The following SLC35E1 variants were observed in gnomAD, a reference collection of about 807,000 sequenced individuals.
SLC35E1 encodes the protein solute carrier family 35, member E1.
SLC35E1 carries 12 observed loss-of-function variants against 31.0 expected under a neutral mutation model. The ratio of observed to expected loss-of-function variants is 0.39; its 90% CI spans 0.25 to 0.63. The LOEUF (loss-of-function observed/expected upper bound fraction) is 0.63, where lower values mean the gene tolerates loss of function less well. Among genes scored for constraint, SLC35E1 ranks in the 20% least tolerant of loss-of-function variants. The pLI is 0.52. For synonymous variants in SLC35E1, 257 were observed against 264.1 expected, an observed-to-expected ratio of 0.97 and a Z score of 0.26; for missense variants, 429 against 572.2, an observed-to-expected ratio of 0.75 and a Z score of 2.55.
intron 4 of SLC35E1, among the ~76,000 whole-genome samples, chr19:16,557,561 CT>C (rs2085881195): frequency 6.6e-6 from 1 of 152,142 alleles, no homozygotes. Context: ...TAGGACACTC[CT>C]GGGGGGCTTC....
At chr19:16,565,215 C>CTT (rs1000361243) in intron 4 of SLC35E1, 70 of 357,034 alleles carry the variant, frequency 2.0e-4, no homozygotes, top group Admixed American at 2.5e-4. Flanking sequence ...TTCTTTCTTT[C>CTT]TTTTTTTTTT....
In SLC35E1 at chr19:16,572,282, G is replaced by A. The variant is rs957099444; in HGVS notation, c.83C>T (p.Ala28Val). 43 of 1,491,786 alleles carry A rather than the reference G, an allele frequency of 2.9e-5. No individual in the cohort carries two copies. In the African/African-American group the frequency reaches 3.4e-4, roughly 12 times the overall value. 92.4% of individuals were successfully genotyped at this position (1,491,786 alleles called of 1,614,324 possible). A position where few individuals can be genotyped will look rare whatever the true frequency, so the allele number is the denominator to read the frequency against. ...ASSSGGAREG[A>V]RVAALCLLWY... ...CAGCAGGCACAGCGCCGCCACCCGC[G>A]CGCCCTCGCGCGCCCCACCACTGCT... Residue 28 changes from alanine (A) to valine (V), a missense_variant, in exon 1 of 6, where the codon GCG becomes GTG. Ala to Val is a moderately conservative substitution (Grantham distance 64). Transcript: ENST00000595753. The surrounding 1 kb of genome is among the most constrained non-coding windows in gnomAD (Gnocchi z 4.1).
At position 16,553,598 on chromosome 19, in the gene SLC35E1, T is replaced by A. The variant is rs2085857007; in HGVS notation, c.*81A>T. 2 of 1,294,892 alleles carry A rather than the reference T, an allele frequency of 1.5e-6. No individual in the cohort carries two copies. The highest frequency in any genetic ancestry group is 4.9e-5 in the Admixed American group (2 of 40,482). The allele number at this position is 1,294,892 out of a possible 1,614,324, so 80.2% of individuals were successfully genotyped here. ...CCGTCCCCTCGGCTGGGTTGTACAT[T>A]CACTGATTGTCAGAAGTTTCTGATA... On this transcript the variant is annotated 3_prime_UTR_variant, in exon 6 of 6. Transcript: ENST00000595753.
intron 4 of SLC35E1, among the ~76,000 whole-genome samples, chr19:16,563,478 G>A (rs941713977): frequency 2.6e-5 from 4 of 152,072 alleles, no homozygotes; most frequent in Admixed American, 6.6e-5. Context: ...GGTCAGGGAG[G>A]GGACAGGGAG....
At chr19:16,564,278 G>C (rs1279957496) in intron 4 of SLC35E1, 1 of 152,406 alleles carries the variant, frequency 6.6e-6, no homozygotes, top group Non-Finnish European at 1.5e-5. Context: ...AATCAGAAGG[G>C]CTCCAATGGC....
chr19:16,566,445 G>A, intron 4 of SLC35E1, 87 bp downstream of exon 4: 1 of 1,574,782 alleles, frequency 6.4e-7, no homozygotes, highest in South Asian at 1.1e-5. Flanking sequence ...ATACCACAAT[G>A]TTAACATGCA....
In SLC35E1 at chr19:16,550,989, A is replaced by G. The variant is rs1371180017; in HGVS notation, c.*2690T>C. 6.6e-6 allele frequency: 1 copy of G among 152,228 alleles called. No homozygotes were observed. The highest frequency in any genetic ancestry group is 2.4e-5 in the African/African-American group (1 of 41,466). 9.4% of individuals were successfully genotyped at this position (152,228 alleles called of 1,614,324 possible). A position where few individuals can be genotyped will look rare whatever the true frequency, so the allele number is the denominator to read the frequency against. ...TTCAGCAACTTCAGAGATTTCAGGA[A>G]GCCTGAATGGAGGTCGAATTCATTT... is the stretch of plus-strand genomic sequence containing the variant. On this transcript the variant is annotated 3_prime_UTR_variant, in exon 6 of 6. Transcript: ENST00000595753.
At chr19:16,563,187 G>T (rs955986269) in intron 4 of SLC35E1, among the ~76,000 whole-genome samples, 3 of 152,060 alleles carry the variant, frequency 2.0e-5, no homozygotes, top group African/African-American at 7.2e-5. Context: ...AGCTGGGCGC[G>T]GTGGTGGGTG....
At chr19:16,558,496 C>CA (rs2085887813) in intron 4 of SLC35E1, among the ~76,000 whole-genome samples, 1 of 151,944 alleles carries the variant, frequency 6.6e-6, no homozygotes, top group African/African-American at 2.4e-5. Flanking sequence ...CGCACCACAC[C>CA]TGGCTAATTT....
intron 4 of SLC35E1, among the ~76,000 whole-genome samples, chr19:16,563,968 A>G (rs963462090): frequency 4.6e-5 from 7 of 152,250 alleles, no homozygotes; most frequent in African/African-American, 1.7e-4. Context: ...ATGAAATTCA[A>G]AACAGCAAAG....
At chr19:16,554,258 G>T (rs891071733) in intron 5 of SLC35E1, among the ~76,000 whole-genome samples, 1 of 135,430 alleles carries the variant, frequency 7.4e-6, no homozygotes, top group Non-Finnish European at 1.6e-5. Context: ...AGAGCAAGAC[G>T]CTGTCTCAGA....
In SLC35E1 at chr19:16,555,122, C is replaced by G. The variant is rs777404573; in HGVS notation, c.1002+30G>C. 3.3e-5 allele frequency: 54 copies of G among 1,612,132 alleles called. No individual in the cohort carries two copies. Among genetic ancestry groups the G allele is most frequent in the Non-Finnish European group, 4.3e-5 (51 of 1,178,794 alleles). ...TTCCTGGGTGTTGGGGGGCCGGCTT[C>G]CTTCCCTGCCCAGCCTCTCAGACTC... On this transcript the variant is annotated intron_variant, in intron 5 of 5. Transcript: ENST00000595753. This position sits in a 1 kb window ranked among gnomAD's most constrained non-coding sequence, Gnocchi z 4.1.
At chr19:16,568,957 T>C (rs1023312442) in intron 2 of SLC35E1, among the ~76,000 whole-genome samples, 3 of 151,994 alleles carry the variant, frequency 2.0e-5, no homozygotes, top group Non-Finnish European at 2.9e-5. Flanking sequence ...CACCTCCACC[T>C]TGGGAGGCTC....
At position 16,549,859 on chromosome 19, in the gene SLC35E1, T is replaced by C. The variant is rs2085836254; in HGVS notation, c.*3820A>G. The C allele has an allele frequency of 6.6e-6, 1 of 152,200 alleles. No homozygotes were observed. Among genetic ancestry groups the C allele is most frequent in the Non-Finnish European group, 1.5e-5 (1 of 68,042 alleles). 9.4% of individuals were successfully genotyped at this position (152,200 alleles called of 1,614,324 possible). ...TGATTCCCTGGAAACCATCATTTAT[T>C]TTTGGTAAATGCCAGTGAGGAATAT... On this transcript the variant is annotated 3_prime_UTR_variant, in exon 6 of 6. Transcript: ENST00000595753.
rs1300504850 is a variant in SLC35E1 at position 16,552,879 on chromosome 19, C to A, written c.*800G>T. 5 of 152,222 alleles carry A rather than the reference C, an allele frequency of 3.3e-5. No homozygotes were observed. Among genetic ancestry groups the A allele is most frequent in the African/African-American group, 4.8e-5 (2 of 41,444 alleles). The allele number at this position is 152,222 out of a possible 1,614,324, so 9.4% of individuals were successfully genotyped here. ...CAGAAATAGAGCTTGAAATACTGAA[C>A]ACGATTTCTCGAAGATCCTTCTCAC... is the stretch of plus-strand genomic sequence containing the variant. On this transcript the variant is annotated 3_prime_UTR_variant, in exon 6 of 6. Coordinates refer to ENST00000595753, the MANE Select transcript of SLC35E1 (RefSeq NM_024881.5).
intron 4 of SLC35E1, chr19:16,566,318 A>G: frequency 1.7e-6 from 1 of 588,736 alleles, no homozygotes; most frequent in Non-Finnish European, 2.9e-6. Flanking sequence ...ACCTGGGATC[A>G]AGCACACCAG....
intron 4 of SLC35E1, among the ~76,000 whole-genome samples, chr19:16,560,881 C>CAAAA (rs1304202019): frequency 7.3e-5 from 5 of 68,058 alleles, no homozygotes; most frequent in Non-Finnish European, 1.2e-4. Context: ...AAAAAAAAAC[C>CAAAA]AAAAAAAAAA....
rs1013958720 is a variant in SLC35E1, at chr19:16,567,844, G to A, written c.630+188C>T. On this transcript the variant is annotated intron_variant, in intron 3 of 5. Coordinates refer to ENST00000595753, the MANE Select transcript of SLC35E1 (RefSeq NM_024881.5). ...GCTGGGATTATAGGCATGAGCCACT[G>A]CGCCCGGCCAGAAAAACAAACTATT... Among the ~76,000 whole-genome samples, 4 of 152,208 alleles carry A rather than the reference G, an allele frequency of 2.6e-5. No individual in the cohort carries two copies. In the South Asian group the frequency reaches 8.3e-4, roughly 32 times the overall value.
intron 4 of SLC35E1, among the ~76,000 whole-genome samples, chr19:16,558,137 G>C (rs756361867): frequency 4.0e-5 from 6 of 150,698 alleles, no homozygotes; most frequent in Non-Finnish European, 5.9e-5. Context: ...TCTGCCTCCC[G>C]GGTTCAAGTG....
Sources: gnomAD v4.1 joint callset for allele counts (sites outside exome capture counted in the v4.1 genomes callset) on GRCh38, gnomAD v4.1.1 for gene constraint, Gnocchi (gnomAD v3.1) non-coding constraint, MANE v1.5 for transcripts, NCBI Gene and HGNC (gene_info 2026-07-23, HGNC 2026-07-21) for gene names.